DLC1: variants seen among roughly 807,000 people sequenced by gnomAD.
The protein encoded by DLC1 is DLC1 Rho GTPase activating protein.
DLC1 carries 54 observed loss-of-function variants against 140.3 expected under a neutral mutation model. The ratio of observed to expected loss-of-function variants is 0.38; its 90% CI spans 0.31 to 0.48. The LOEUF (loss-of-function observed/expected upper bound fraction) is 0.48, where lower values mean the gene tolerates loss of function less well. DLC1 is among the 20% of genes least tolerant of loss of function. DLC1 has a pLI of 0.96. For missense variants in DLC1, 2,536 were observed against 1,907.0 expected (o/e 1.33, Z -6.14); for synonymous variants, 986 against 728.1 (o/e 1.35, Z -5.70).
intron 2 of DLC1, among the ~76,000 whole-genome samples, chr8:13,424,404 C>A (rs573992972): frequency 4.0e-5 from 6 of 151,860 alleles, no homozygotes; most frequent in African/African-American, 1.5e-4. Flanking sequence ...CAGGAGAATT[C>A]CTTGAACCCT....
intron 3 of DLC1, among the ~76,000 whole-genome samples, chr8:13,397,281 T>G (rs145110699): frequency 5.3e-5 from 8 of 151,966 alleles, no homozygotes; most frequent in Admixed American, 5.2e-4. Flanking sequence ...AAAGGGAGAA[T>G]TGAGTCTAGA....
intron 4 of DLC1, among the ~76,000 whole-genome samples, chr8:13,310,179 C>T (rs1832616806): frequency 6.6e-6 from 1 of 152,168 alleles, no homozygotes; most frequent in African/African-American, 2.4e-5. Context: ...AGTACACAAA[C>T]AGAGCACTAT....
chr8:13,332,541 C>T (rs1245371074), intron 4 of DLC1, among the ~76,000 whole-genome samples: 4 of 151,848 alleles, frequency 2.6e-5, no homozygotes, highest in Non-Finnish European at 5.9e-5. Flanking sequence ...AGCGATTCTC[C>T]TGCCGCAGCC....
intron 1 of DLC1, among the ~76,000 whole-genome samples, chr8:13,542,798 GT>G (rs558013581): frequency 1.8e-3 from 268 of 152,108 alleles, no homozygotes; most frequent in African/African-American, 6.1e-3. Context: ...TACGAATTGA[GT>G]TTTTTATATT....
rs190730616 is a variant in DLC1, at chr8:13,331,754, A to C, written c.1315-26452T>G. Among the ~76,000 whole-genome samples the C allele has an allele frequency of 3.3e-3, 509 of 152,292 alleles. 2 individuals are homozygous for C. The highest frequency in any genetic ancestry group is 0.012 in the African/African-American group (483 of 41,558). Reference sequence around the variant, plus strand: ...TCAATATTTTCTACTTTCTGTTTAAAAGTACAACCTATTTTTTGAAGTTTC... The same window carrying C: ...TCAATATTTTCTACTTTCTGTTTAACAGTACAACCTATTTTTTGAAGTTTC... On this transcript the variant is annotated intron_variant, in intron 4 of 17. Coordinates refer to ENST00000276297, the MANE Select transcript of DLC1 (RefSeq NM_182643.3).
At chr8:13,179,441 C>T (rs754753571) in intron 5 of DLC1, among the ~76,000 whole-genome samples, 1 of 152,256 alleles carries the variant, frequency 6.6e-6, no homozygotes, top group Non-Finnish European at 1.5e-5. Flanking sequence ...GAATTAATGG[C>T]TGATTGCGGA....
intron 2 of DLC1, among the ~76,000 whole-genome samples, chr8:13,451,075 A>C (rs1343304177): frequency 6.7e-6 from 1 of 150,040 alleles, no homozygotes; most frequent in Non-Finnish European, 1.5e-5. Flanking sequence ...AAAAGAAAAA[A>C]AGAAAAAGGA....
At chr8:13,371,082 G>C (rs143191248) in intron 4 of DLC1, among the ~76,000 whole-genome samples, 1 of 152,186 alleles carries the variant, frequency 6.6e-6, no homozygotes, top group South Asian at 2.1e-4. Flanking sequence ...AAAAATGGAT[G>C]ACAAAGGTAA....
chr8:13,436,938 T>G (rs922355676), intron 2 of DLC1, among the ~76,000 whole-genome samples: 2 of 152,218 alleles, frequency 1.3e-5, no homozygotes, highest in African/African-American at 4.8e-5. Flanking sequence ...TTTTCGTTTC[T>G]AAGAGGAATG....
intron 4 of DLC1, among the ~76,000 whole-genome samples, chr8:13,320,320 T>A (rs758145160): frequency 2.0e-5 from 3 of 152,204 alleles, no homozygotes; most frequent in Non-Finnish European, 4.4e-5. Context: ...GGTTAAAAAC[T>A]TGCCTGTTAA....
intron 2 of DLC1, among the ~76,000 whole-genome samples, chr8:13,475,974 A>G (rs1489975416): frequency 6.6e-6 from 1 of 152,224 alleles, no homozygotes; most frequent in Non-Finnish European, 1.5e-5. Context: ...TCCACTGAAT[A>G]CTGAACCTGT....
intron 5 of DLC1, among the ~76,000 whole-genome samples, chr8:13,136,229 T>C (rs1206425736): frequency 6.6e-6 from 1 of 152,188 alleles, no homozygotes; most frequent in Non-Finnish European, 1.5e-5. Context: ...GGGGTACATG[T>C]GCAGATACAT....
chr8:13,126,200 A>G (rs1195983488), intron 5 of DLC1, among the ~76,000 whole-genome samples: 1 of 152,162 alleles, frequency 6.6e-6, no homozygotes, highest in Non-Finnish European at 1.5e-5. Flanking sequence ...ATATCTCCCA[A>G]ATAATCAAAA....
intron 5 of DLC1, among the ~76,000 whole-genome samples, chr8:13,258,733 CTTTCTA>C (rs1830358898): frequency 6.6e-6 from 1 of 152,132 alleles, no homozygotes; most frequent in South Asian, 2.1e-4. Context: ...TAGTTTCTAT[CTTTCTA>C]TTTCATTTCC....
intron 5 of DLC1, among the ~76,000 whole-genome samples, chr8:13,280,287 C>CAAAAAAAAAAA (rs55791933): frequency 4.7e-4 from 31 of 65,328 alleles, no homozygotes; most frequent in East Asian, 9.9e-4. Context: ...GACTCCATCT[C>CAAAAAAAAAAA]AAAAAAAAAA....
chr8:13,160,722 T>C (rs546723978), intron 5 of DLC1, among the ~76,000 whole-genome samples: 8 of 152,252 alleles, frequency 5.3e-5, no homozygotes, highest in Admixed American at 2.0e-4. Flanking sequence ...GAGCAGGTAA[T>C]GATTGATAAT....
chr8:13,355,303 T>C (rs1317126057), intron 4 of DLC1, among the ~76,000 whole-genome samples: 1 of 152,108 alleles, frequency 6.6e-6, no homozygotes, highest in Admixed American at 6.5e-5. Context: ...CTAGCCAATA[T>C]AACGAAACCC....
At chr8:13,276,083 A>G (rs142830490) in intron 5 of DLC1, among the ~76,000 whole-genome samples, 4,569 of 152,080 alleles carry the variant, frequency 0.03, 105 homozygotes, top group Non-Finnish European at 0.049. Context: ...AAATCTCAAC[A>G]CTCCATCAAG....
chr8:13,270,657 C>T (rs1830893353), intron 5 of DLC1, among the ~76,000 whole-genome samples: 1 of 152,218 alleles, frequency 6.6e-6, no homozygotes, highest in African/African-American at 2.4e-5. Flanking sequence ...ACAAAAGTCA[C>T]CTCCAGTAGA....
Sources: gnomAD v4.1 joint callset for allele counts (sites outside exome capture counted in the v4.1 genomes callset) on GRCh38, gnomAD v4.1.1 for gene constraint, MANE v1.5 for transcripts, NCBI Gene and HGNC (gene_info 2026-07-23, HGNC 2026-07-21) for gene names.